Variants in PECAM1 observed in about 807,000 individuals in gnomAD.
PECAM1 encodes platelet endothelial cell adhesion molecule.
Under a neutral mutation model 13.8 loss-of-function variants are expected in PECAM1, and 8 were observed. The ratio of observed to expected loss-of-function variants is 0.58; its 90% CI spans 0.34 to 1.05. PECAM1 has a LOEUF of 1.05. PECAM1 is among the 50% of genes least tolerant of loss of function. The probability of loss-of-function intolerance (pLI) is 0.03; values close to 1 mark genes in which losing one functional copy is unlikely to be tolerated. For synonymous variants in PECAM1, 136 were observed against 52.6 expected, an observed-to-expected ratio of 2.58 and a Z score of -6.86; for missense variants, 304 against 141.2, an observed-to-expected ratio of 2.15 and a Z score of -5.84.
intron 14 of PECAM1, among the ~76,000 whole-genome samples, chr17:64,340,155 C>T (rs973455089): frequency 6.6e-5 from 10 of 151,736 alleles, no homozygotes; most frequent in Non-Finnish European, 1.3e-4. Context: ...CTGTTTCAAA[C>T]AAAAAAACAA....
intron 2 of PECAM1, among the ~76,000 whole-genome samples, chr17:64,389,427 T>C (rs1391174831): frequency 6.6e-6 from 1 of 152,122 alleles, no homozygotes; most frequent in African/African-American, 2.4e-5. Flanking sequence ...AAACCAGGCT[T>C]CAAAGATAGG....
At chr17:64,365,076 T>C (rs1264511922) in intron 5 of PECAM1, among the ~76,000 whole-genome samples, 13 of 151,764 alleles carry the variant, frequency 8.6e-5, no homozygotes, top group Non-Finnish European at 1.6e-4. Flanking sequence ...GAAAACCCCA[T>C]TGTCTCAGCC....
At chr17:64,345,007 G>A (rs986640272) in intron 13 of PECAM1, among the ~76,000 whole-genome samples, 5 of 152,134 alleles carry the variant, frequency 3.3e-5, no homozygotes, top group African/African-American at 1.2e-4. Context: ...GGAGGGTCTC[G>A]ATACCTCCTT....
In PECAM1 at chr17:64,321,518, G is replaced by T; in HGVS notation, c.*2298C>A. On this transcript the variant is annotated 3_prime_UTR_variant, in exon 16 of 16. Coordinates refer to ENST00000563924, the MANE Select transcript of PECAM1 (RefSeq NM_000442.5). Reference sequence around the variant, plus strand: ...CATGCCTGCAATCCCAGCACTTTGCGAGGCCAAGGAGGGAGGATCACTTGA... The same window carrying T: ...CATGCCTGCAATCCCAGCACTTTGCTAGGCCAAGGAGGGAGGATCACTTGA... 1.2e-6 allele frequency: 1 copy of T among 856,362 alleles called. No individual in the cohort carries two copies. Among genetic ancestry groups the T allele is most frequent in the Non-Finnish European group, 1.4e-6 (1 of 704,852 alleles). 53.0% of individuals were successfully genotyped at this position (856,362 alleles called of 1,614,324 possible).
Position 64,354,964 on chromosome 17 carries a change from C to T in PECAM1, c.1857G>A (p.Ala619=), listed in dbSNP as rs1167263698. The T allele has an allele frequency of 2.1e-5, 10 of 475,168 alleles. No homozygotes were observed. Among genetic ancestry groups the T allele is most frequent in the African/African-American group, 1.4e-4 (7 of 50,464 alleles). 29.4% of individuals were successfully genotyped at this position (475,168 alleles called of 1,614,324 possible). A position where few individuals can be genotyped will look rare whatever the true frequency, so the allele number is the denominator to read the frequency against. ...CTTTCCTCAGAAAATAACATTTGGC[C>T]GCAATGATCAAGAGAGCAATGATCA... ...IGVIIALLII[A]AKCYFLRKAK... The change falls in exon 9 of 16, where the codon GCG becomes GCA. Residue 619 remains alanine (A), a synonymous_variant. Transcript: ENST00000563924.
chr17:64,349,612 C>T (rs1409683408), intron 12 of PECAM1, among the ~76,000 whole-genome samples: 12 of 55,210 alleles, frequency 2.2e-4, no homozygotes, highest in Non-Finnish European at 2.9e-4. Flanking sequence ...AAGAGCCAGG[C>T]GCAGTGGCTC....
At chr17:64,372,410 A>C (rs2036261817) in intron 4 of PECAM1, among the ~76,000 whole-genome samples, 1 of 152,180 alleles carries the variant, frequency 6.6e-6, no homozygotes, top group African/African-American at 2.4e-5. Context: ...ACCTTTTATA[A>C]ATTAAAGGAA....
chr17:64,332,376 G>C (rs1175454802), intron 14 of PECAM1, among the ~76,000 whole-genome samples: 5 of 152,160 alleles, frequency 3.3e-5, no homozygotes, highest in African/African-American at 9.7e-5. Flanking sequence ...TTTCCCAACA[G>C]CGAAAGAACC....
intron 13 of PECAM1, among the ~76,000 whole-genome samples, chr17:64,342,082 A>G (rs1426179142): frequency 6.6e-6 from 1 of 151,590 alleles, no homozygotes; most frequent in Non-Finnish European, 1.5e-5. Flanking sequence ...CCCAGGATGC[A>G]GAGGTTGCAG....
At chr17:64,377,626 A>AAGGAAGGAAGGAAGGG (rs2036391667) in intron 3 of PECAM1, 198 bp downstream of exon 3, 1 of 384,882 alleles carries the variant, frequency 2.6e-6, no homozygotes, top group Admixed American at 4.5e-5. Flanking sequence ...GAAAGGAAGG[A>AAGGAAGGAAGGAAGGG]AGGAAGGAAG....
intron 13 of PECAM1, 95 bp downstream of exon 13, chr17:64,348,165 C>T: frequency 2.2e-6 from 1 of 447,434 alleles, no homozygotes; most frequent in Non-Finnish European, 4.1e-6. Flanking sequence ...TGAGGGTGCA[C>T]AGACTCTTCT....
chr17:64,329,210 G>A (rs2035038414), intron 15 of PECAM1, among the ~76,000 whole-genome samples: 3 of 152,062 alleles, frequency 2.0e-5, no homozygotes, highest in Admixed American at 6.6e-5. Flanking sequence ...ATAGGCTCTG[G>A]CATAGCTCAC....
At chr17:64,346,666 AC>A (rs1235670037) in intron 13 of PECAM1, among the ~76,000 whole-genome samples, 1 of 152,038 alleles carries the variant, frequency 6.6e-6, no homozygotes, top group Non-Finnish European at 1.5e-5. Flanking sequence ...GGTGCCCAAA[AC>A]AAACGAGATT....
At chr17:64,359,955 G>T (rs1449496432) in intron 7 of PECAM1, among the ~76,000 whole-genome samples, 185 bp downstream of exon 7, 1 of 152,212 alleles carries the variant, frequency 6.6e-6, no homozygotes, top group East Asian at 1.9e-4. Flanking sequence ...GTTTCACCAT[G>T]TTGGCCAGGC....
Position 64,321,268 on chromosome 17 carries a change from G to C in PECAM1, c.*2548C>G, listed in dbSNP as rs2034806239. ...TCTAACTAATGAGTTCCGCGGCCGA[G>C]AAAACTCCTGGAGTGGGTGCTCCTG... is the stretch of plus-strand genomic sequence containing the variant. On this transcript the variant is annotated 3_prime_UTR_variant, in exon 16 of 16. Coordinates refer to ENST00000563924, the MANE Select transcript of PECAM1 (RefSeq NM_000442.5). 5.3e-6 allele frequency: 1 copy of C among 190,144 alleles called. No homozygotes were observed. The allele number at this position is 190,144 out of a possible 1,614,324, so 11.8% of individuals were successfully genotyped here.
intron 5 of PECAM1, among the ~76,000 whole-genome samples, chr17:64,365,920 C>CTTCAT (rs1424592946): frequency 6.6e-6 from 1 of 150,672 alleles, no homozygotes; most frequent in African/African-American, 2.4e-5. Context: ...TGGGCAAGGA[C>CTTCAT]TTCATGTCTA....
intron 14 of PECAM1, among the ~76,000 whole-genome samples, chr17:64,339,259 C>T (rs945279150): frequency 5.9e-5 from 9 of 152,078 alleles, no homozygotes; most frequent in African/African-American, 1.7e-4. Flanking sequence ...GAGTCCACTC[C>T]GGGGAGGAAC....
At chr17:64,376,704 G>C (rs2036367902) in intron 3 of PECAM1, among the ~76,000 whole-genome samples, 1 of 152,212 alleles carries the variant, frequency 6.6e-6, no homozygotes, top group African/African-American at 2.4e-5. Context: ...ACCGGGCATG[G>C]TGGCTCACAC....
At chr17:64,364,590 A>G (rs2036058983) in intron 5 of PECAM1, among the ~76,000 whole-genome samples, 2 of 149,958 alleles carry the variant, frequency 1.3e-5, no homozygotes, top group South Asian at 2.1e-4. Context: ...CTGGCAAACC[A>G]AATCCAGCAG....
Sources: allele counts gnomAD v4.1 joint callset (sites outside exome capture counted in the v4.1 genomes callset), GRCh38; gene constraint gnomAD v4.1.1; transcripts MANE v1.5; gene names NCBI Gene and HGNC (gene_info 2026-07-23, HGNC 2026-07-21).